Variants in RBFOX1 observed in about 807,000 individuals in gnomAD.
RBFOX1 encodes RNA binding fox-1 homolog 1.
RBFOX1 carries 8 observed loss-of-function variants against 57.7 expected under a neutral mutation model. That is an observed-to-expected ratio of 0.14 (90% CI 0.08 to 0.25). The LOEUF (loss-of-function observed/expected upper bound fraction) is 0.25. Among genes scored for constraint, RBFOX1 ranks in the 10% least tolerant of loss-of-function variants. The pLI, the probability that RBFOX1 is intolerant of heterozygous loss-of-function variation, is 1.00. For synonymous variants in RBFOX1, 326 were observed against 222.4 expected (o/e 1.47, Z -4.15); for missense variants, 611 against 548.5 (o/e 1.11, Z -1.14).
chr16:6,374,280 C>T (rs1447955103), intron 2 of RBFOX1, among the ~76,000 whole-genome samples: 2 of 152,114 alleles, frequency 1.3e-5, no homozygotes, highest in Admixed American at 6.5e-5. Context: ...CAAACTTTTG[C>T]TTTGGAATAA....
chr16:6,106,123 T>A (rs4786818), intron 1 of RBFOX1, among the ~76,000 whole-genome samples: 104,060 of 151,814 alleles, frequency 0.69, 36,105 homozygotes, highest in African/African-American at 0.78. Context: ...TAGACAATAT[T>A]AAGGATTGAA....
intron 3 of RBFOX1, among the ~76,000 whole-genome samples, chr16:6,866,004 G>A (rs1228207228): frequency 6.6e-6 from 1 of 152,080 alleles, no homozygotes; most frequent in Non-Finnish European, 1.5e-5. Flanking sequence ...AAAAAAGAGG[G>A]AGTAATATTG....
At chr16:5,649,962 G>C (rs1039444624) in intron 3 of RBFOX1, among the ~76,000 whole-genome samples, 5 of 152,222 alleles carry the variant, frequency 3.3e-5, no homozygotes, top group Admixed American at 2.0e-4. Flanking sequence ...GGTGGAACAC[G>C]CGGGGAGGTC....
intron 4 of RBFOX1, among the ~76,000 whole-genome samples, chr16:5,976,104 G>T (rs932216731): frequency 6.6e-6 from 1 of 151,904 alleles, no homozygotes; most frequent in African/African-American, 2.4e-5. Context: ...AGACTCTCTA[G>T]ACTGCACTCT....
In RBFOX1 at chr16:7,150,804, A is replaced by G. The variant is rs375597643; in HGVS notation, c.27+98706A>G. ...TTGTGGGTTATTAATAATTTACTCA[A>G]TCTATTGATGCTTGTTAATTGAAGT... On this transcript the variant is annotated intron_variant, in intron 4 of 15. Coordinates refer to ENST00000550418, the MANE Select transcript of RBFOX1 (RefSeq NM_018723.4). Among the ~76,000 whole-genome samples, 43 of 152,306 alleles carry G rather than the reference A, an allele frequency of 2.8e-4. 1 individual carries two copies. The South Asian group carries it at 8.7e-3, about 31-fold the overall frequency.
intron 2 of RBFOX1, among the ~76,000 whole-genome samples, chr16:6,400,954 T>C (rs752555423): frequency 4.6e-5 from 7 of 152,198 alleles, no homozygotes; most frequent in Admixed American, 6.5e-5. Flanking sequence ...GAGCTATCAG[T>C]ATCAATTTAG....
intron 4 of RBFOX1, among the ~76,000 whole-genome samples, chr16:7,169,365 G>C (rs1197644554): frequency 6.6e-6 from 1 of 152,214 alleles, no homozygotes; most frequent in Non-Finnish European, 1.5e-5. Context: ...TATTGGGTCA[G>C]ATAATTACTT....
intron 1 of RBFOX1, among the ~76,000 whole-genome samples, chr16:5,271,377 A>T (rs2063001873): frequency 6.6e-6 from 1 of 152,126 alleles, no homozygotes; most frequent in Admixed American, 6.5e-5. Context: ...ATACATACAC[A>T]TACACATACA....
At chr16:6,251,865 C>A (rs916533656) in intron 1 of RBFOX1, among the ~76,000 whole-genome samples, 7 of 152,094 alleles carry the variant, frequency 4.6e-5, no homozygotes, top group Admixed American at 1.3e-4. Flanking sequence ...TAAACTTCCT[C>A]CTCTGTCCAG....
intron 4 of RBFOX1, among the ~76,000 whole-genome samples, chr16:5,974,231 A>G (rs1053983745): frequency 6.6e-6 from 1 of 152,160 alleles, no homozygotes; most frequent in African/African-American, 2.4e-5. Context: ...TTCCTGTTGC[A>G]TTTGGAACTG....
At chr16:5,449,883 C>A (rs1422695474) in intron 1 of RBFOX1, among the ~76,000 whole-genome samples, 1 of 152,204 alleles carries the variant, frequency 6.6e-6, no homozygotes, top group Non-Finnish European at 1.5e-5. Context: ...TCTTGGATTA[C>A]AGGGCTGAGC....
intron 2 of RBFOX1, among the ~76,000 whole-genome samples, chr16:6,641,186 C>G (rs1602392163): frequency 6.6e-6 from 1 of 152,108 alleles, no homozygotes; most frequent in East Asian, 1.9e-4. Context: ...TATTTGCAAA[C>G]TGCATCTTGG....
chr16:6,433,721 G>C (rs973916321), intron 2 of RBFOX1, among the ~76,000 whole-genome samples: 3 of 151,992 alleles, frequency 2.0e-5, no homozygotes, highest in Non-Finnish European at 1.5e-5. Context: ...GCTTTTTCCT[G>C]TTTCTGGGGA....
intron 5 of RBFOX1, among the ~76,000 whole-genome samples, chr16:7,540,812 T>A (rs2082713233): frequency 6.6e-6 from 1 of 152,224 alleles, no homozygotes. Flanking sequence ...TGTTTCTGTT[T>A]TGCAGATTTA....
At chr16:5,524,872 C>G (rs544048138) in intron 2 of RBFOX1, among the ~76,000 whole-genome samples, 1 of 152,100 alleles carries the variant, frequency 6.6e-6, no homozygotes, top group South Asian at 2.1e-4. Flanking sequence ...AACGCTTGTG[C>G]TACTTACTCA....
Position 5,416,646 on chromosome 16 carries a change from C to A in RBFOX1, c.220-50570C>A, listed in dbSNP as rs74007409. ...GAACTGCGTGATTTGAAGTCTCTTA[C>A]AATGCTTACGATTGTTCCCTGTATG... On this transcript the variant is annotated intron_variant, in intron 1 of 2. Transcript: ENST00000585867. 4.0e-5 allele frequency among the ~76,000 whole-genome samples: 6 copies of A among 151,660 alleles called. No individual in the cohort carries two copies. The South Asian group carries it at 1.2e-3, about 31-fold the overall frequency.
intron 1 of RBFOX1, among the ~76,000 whole-genome samples, chr16:6,061,081 A>C (rs574447849): frequency 2.0e-5 from 3 of 152,148 alleles, no homozygotes; most frequent in Admixed American, 6.5e-5. Context: ...ACTTACTGAC[A>C]ACAGAACCTG....
chr16:6,264,943 C>T (rs139442321), intron 1 of RBFOX1, among the ~76,000 whole-genome samples: 3 of 152,196 alleles, frequency 2.0e-5, no homozygotes, highest in Non-Finnish European at 4.4e-5. Context: ...ACTCCGAGTT[C>T]TGTGTGTGGG....
intron 5 of RBFOX1, among the ~76,000 whole-genome samples, chr16:7,555,058 G>A (rs1026812441): frequency 6.6e-6 from 1 of 152,146 alleles, no homozygotes; most frequent in African/African-American, 2.4e-5. Flanking sequence ...AGAATAAATC[G>A]GATAAAGGGT....
Sources: allele counts gnomAD v4.1 joint callset (sites outside exome capture counted in the v4.1 genomes callset), GRCh38; gene constraint gnomAD v4.1.1; transcripts MANE v1.5; gene names NCBI Gene and HGNC (gene_info 2026-07-23, HGNC 2026-07-21).